The following RBFOX2 variants were observed in gnomAD, a reference collection of about 807,000 sequenced individuals.
RBFOX2 encodes the protein RNA binding protein fox-1 homolog 2.
Under a neutral mutation model 49.1 loss-of-function variants are expected in RBFOX2, and 10 were observed. The observed-to-expected ratio is 0.20, with a 90% CI of 0.13 to 0.35. The LOEUF (loss-of-function observed/expected upper bound fraction) is 0.35. Among genes scored for constraint, RBFOX2 ranks in the 10% least tolerant of loss-of-function variants. The pLI, the probability that RBFOX2 is intolerant of heterozygous loss-of-function variation, is 1.00. For synonymous variants in RBFOX2, 183 were observed against 187.4 expected (o/e 0.98, Z 0.19); for missense variants, 323 against 486.9 (o/e 0.66, Z 3.17).
chr22:35,977,659 A>C (rs2057238906), intron 1 of RBFOX2, among the ~76,000 whole-genome samples: 1 of 147,962 alleles, frequency 6.8e-6, no homozygotes, highest in South Asian at 2.2e-4. Context: ...CATTTGTCAA[A>C]ATTCATAGAA....
chr22:35,745,873 AAAG>A (rs1274138328), intron 11 of RBFOX2, 47 bp downstream of exon 13: 1 of 1,539,646 alleles, frequency 6.5e-7, no homozygotes, highest in Admixed American at 1.7e-5. Flanking sequence ...TCTACGGGTA[AAAG>A]AAGGAATGAA....
At chr22:35,746,335 C>A in intron 10 of RBFOX2, 138 bp downstream of exon 12, 1 of 774,220 alleles carries the variant, frequency 1.3e-6, no homozygotes, top group Non-Finnish European at 2.1e-6. Context: ...ATCAAGAGGT[C>A]TGCAGAAAGC....
At chr22:35,954,346 C>T (rs1044774481) in intron 1 of RBFOX2, among the ~76,000 whole-genome samples, 16 of 152,204 alleles carry the variant, frequency 1.1e-4, no homozygotes, top group African/African-American at 3.9e-4. Flanking sequence ...CATAAGTACA[C>T]AACAACTGTC....
chr22:35,910,102 TAAC>T (rs1441894044), intron 1 of RBFOX2, among the ~76,000 whole-genome samples: 1 of 152,202 alleles, frequency 6.6e-6, no homozygotes, highest in Non-Finnish European at 1.5e-5. Context: ...TAAAATGATT[TAAC>T]TTCTCCAAAA....
chr22:35,771,358 A>C (rs144617801), intron 4 of RBFOX2, among the ~76,000 whole-genome samples: 306 of 152,306 alleles, frequency 2.0e-3, no homozygotes, highest in African/African-American at 7.0e-3. Context: ...TGAAGACAGA[A>C]GGGAGCTATA....
intron 1 of RBFOX2, among the ~76,000 whole-genome samples, chr22:35,872,054 C>T (rs2062413114): frequency 6.6e-6 from 1 of 152,172 alleles, no homozygotes; most frequent in African/African-American, 2.4e-5. Context: ...TCAGCATCTA[C>T]CAAATCCTGA....
chr22:35,817,049 G>A (rs188417033), intron 1 of RBFOX2, among the ~76,000 whole-genome samples: 151 of 152,090 alleles, frequency 9.9e-4, no homozygotes, highest in Non-Finnish European at 1.4e-3. Context: ...AGATGGTTTG[G>A]GTCCCACATT....
intron 1 of RBFOX2, among the ~76,000 whole-genome samples, chr22:35,978,664 C>T (rs2057314261): frequency 6.6e-6 from 1 of 152,172 alleles, no homozygotes; most frequent in African/African-American, 2.4e-5. Context: ...GCAGGTCCCA[C>T]TGGCTAAACT....
At chr22:35,983,825 A>G (rs2057577119) in intron 1 of RBFOX2, among the ~76,000 whole-genome samples, 1 of 152,172 alleles carries the variant, frequency 6.6e-6, no homozygotes, top group Non-Finnish European at 1.5e-5. Flanking sequence ...TTCTCATTAC[A>G]TGTGACTAGA....
chr22:35,747,087 A>T (rs755011097), intron 9 of RBFOX2: 3 of 152,254 alleles, frequency 2.0e-5, no homozygotes, highest in Non-Finnish European at 4.4e-5. Flanking sequence ...AAGCTAAGAT[A>T]ATCAGGTAAT....
At chr22:35,955,368 CATTAT>C (rs940989745) in intron 1 of RBFOX2, among the ~76,000 whole-genome samples, 2 of 152,128 alleles carry the variant, frequency 1.3e-5, no homozygotes, top group South Asian at 4.1e-4. Context: ...ATAAACCAAC[CATTAT>C]ATTAGCCTAA....
intron 1 of RBFOX2, among the ~76,000 whole-genome samples, chr22:35,935,078 G>A (rs886893464): frequency 6.6e-6 from 1 of 151,998 alleles, no homozygotes; most frequent in South Asian, 2.1e-4. Flanking sequence ...GGGACTACAG[G>A]CACACACCAC....
chr22:35,757,638 A>G (rs891959723), intron 9 of RBFOX2, among the ~76,000 whole-genome samples: 27 of 152,310 alleles, frequency 1.8e-4, no homozygotes, highest in African/African-American at 6.5e-4. Flanking sequence ...GCATGGTCAC[A>G]TTTTGGAATG....
upstream of RBFOX2, among the ~76,000 whole-genome samples, chr22:35,939,584 CT>C (rs529251029): frequency 1.2e-4 from 18 of 152,176 alleles, 1 homozygote; most frequent in South Asian, 3.5e-3. Context: ...GTGCAGCTTA[CT>C]TTTTATGTTA....
chr22:35,975,795 T>G (rs1288024982), intron 1 of RBFOX2, among the ~76,000 whole-genome samples: 1 of 152,162 alleles, frequency 6.6e-6, no homozygotes, highest in African/African-American at 2.4e-5. Context: ...ACCCAACATA[T>G]ATTCCAATTT....
chr22:35,961,788 T>G (rs956111413), upstream of RBFOX2: 1 of 1,140,032 alleles, frequency 8.8e-7, no homozygotes, highest in African/African-American at 1.6e-5. Flanking sequence ...AACAGGAACC[T>G]GAGCTAAATT....
chr22:35,896,529 G>A (rs966598245), intron 1 of RBFOX2, among the ~76,000 whole-genome samples: 4 of 152,132 alleles, frequency 2.6e-5, no homozygotes, highest in African/African-American at 9.7e-5. Context: ...CCCCATGCAG[G>A]TACTTTCACT....
At chr22:35,779,286 T>C (rs554229881) in intron 3 of RBFOX2, among the ~76,000 whole-genome samples, 14 of 152,352 alleles carry the variant, frequency 9.2e-5, no homozygotes, top group Non-Finnish European at 1.5e-4. Context: ...TTGGCTTATA[T>C]TTCCCTCTGA....
At chr22:35,802,125 T>A (rs1476329825) in intron 2 of RBFOX2, among the ~76,000 whole-genome samples, 1 of 152,106 alleles carries the variant, frequency 6.6e-6, no homozygotes, top group Non-Finnish European at 1.5e-5. Context: ...TAACTATATA[T>A]ATAATGTAAA....
Sources: gnomAD v4.1 joint callset for allele counts (sites outside exome capture counted in the v4.1 genomes callset) on GRCh38, gnomAD v4.1.1 for gene constraint, MANE v1.5 for transcripts, NCBI Gene and HGNC (gene_info 2026-07-23, HGNC 2026-07-21) for gene names.